ACOT1: variants seen among roughly 807,000 people sequenced by gnomAD.
ACOT1 encodes the protein acyl-coenzyme A thioesterase 1.
ACOT1 carries 8 observed loss-of-function variants against 15.7 expected under a neutral mutation model. That is an observed-to-expected ratio of 0.51 (90% CI 0.30 to 0.92). ACOT1 has a LOEUF of 0.92. Among genes scored for constraint, ACOT1 ranks in the 40% least tolerant of loss-of-function variants. ACOT1 has a pLI of 0.06. For synonymous variants in ACOT1, 67 were observed against 241.2 expected (o/e 0.28, Z 6.69); for missense variants, 151 against 539.4 (o/e 0.28, Z 7.13).
In ACOT1 at chr14:73,538,047, G is replaced by A; in HGVS notation, c.457+169G>A. Reference sequence around the variant, plus strand: ...GGGCTATGTTGCCCAGGTAGGTCTTGAACTCCTGGACCCAAGCTATCCTCC... The same window carrying A: ...GGGCTATGTTGCCCAGGTAGGTCTTAAACTCCTGGACCCAAGCTATCCTCC... On this transcript the variant is annotated intron_variant, in intron 1 of 2. Coordinates refer to ENST00000311148, the MANE Select transcript of ACOT1 (RefSeq NM_001037161.2). Among the ~76,000 whole-genome samples, 2 of 105,798 alleles carry A rather than the reference G, an allele frequency of 1.9e-5. 1 individual carries two copies. The highest frequency in any genetic ancestry group is 4.0e-5 in the Non-Finnish European group (2 of 49,582). 69.4% of individuals were successfully genotyped at this position (105,798 alleles called of 152,430 possible). A position where few individuals can be genotyped will look rare whatever the true frequency, so the allele number is the denominator to read the frequency against.
the ACOT1 span, chr14:73,509,238 G>T: frequency 1.4e-6 from 2 of 1,412,428 alleles, no homozygotes; most frequent in Non-Finnish European, 2.0e-6. Context: ...CAGTGGAGAG[G>T]AAAGGACTGG....
the ACOT1 span, chr14:73,513,996 A>C: frequency 6.2e-7 from 1 of 1,601,230 alleles, no homozygotes. Flanking sequence ...CACTTCTCAC[A>C]AACGTACAGT....
the ACOT1 span, chr14:73,500,824 C>G: frequency 8.5e-7 from 1 of 1,171,380 alleles, no homozygotes; most frequent in Admixed American, 2.2e-5. Flanking sequence ...AATCCGGGTT[C>G]TGTAGGCTGT....
the ACOT1 span, among the ~76,000 whole-genome samples, chr14:73,501,289 T>C: frequency 6.6e-6 from 1 of 151,890 alleles, no homozygotes; most frequent in Non-Finnish European, 1.5e-5. Context: ...TGGCTAATTT[T>C]GTTTTTCTTG....
the ACOT1 span, chr14:73,519,269 T>A: frequency 8.5e-7 from 1 of 1,181,076 alleles, no homozygotes; most frequent in Non-Finnish European, 1.2e-6. Context: ...TGCCCTAATC[T>A]AAGCCCCTAG....
At chr14:73,498,305 TC>T in the ACOT1 span, 2 of 1,611,268 alleles carry the variant, frequency 1.2e-6, no homozygotes, top group Admixed American at 1.7e-5. Context: ...GAGCAGAAGA[TC>T]CGTCAGCTCG....
the ACOT1 span, among the ~76,000 whole-genome samples, chr14:73,499,656 ATT>A: frequency 2.6e-5 from 4 of 152,154 alleles, no homozygotes; most frequent in Non-Finnish European, 5.9e-5. Context: ...TCTGCTATTG[ATT>A]TTCTCAGTCT....
the ACOT1 span, among the ~76,000 whole-genome samples, chr14:73,497,364 A>G: frequency 6.6e-6 from 1 of 152,144 alleles, no homozygotes; most frequent in Non-Finnish European, 1.5e-5. Flanking sequence ...GAAGGTGCCA[A>G]TAGGTACCAT....
At chr14:73,493,343 T>C in the ACOT1 span, 10 of 503,926 alleles carry the variant, frequency 2.0e-5, no homozygotes, top group Non-Finnish European at 3.2e-5. Context: ...CTGTTTGTTA[T>C]TGTTAAATTT....
the ACOT1 span, among the ~76,000 whole-genome samples, chr14:73,529,483 GAA>G: frequency 6.6e-6 from 1 of 152,098 alleles, no homozygotes; most frequent in Admixed American, 6.6e-5. Context: ...AATGGGGTTG[GAA>G]GGGTTAGGCT....
the ACOT1 span, among the ~76,000 whole-genome samples, chr14:73,506,802 C>CTTTTTTT: frequency 1.6e-3 from 92 of 57,896 alleles, no homozygotes; most frequent in East Asian, 2.8e-3. Flanking sequence ...CTGACTTTAA[C>CTTTTTTT]TGTTTTTTTT....
chr14:73,506,804 G>GTTTTTTTTTTTTTTTTTTTTTTTTT, the ACOT1 span, among the ~76,000 whole-genome samples: 65 of 80,486 alleles, frequency 8.1e-4, 10 homozygotes, highest in East Asian at 2.3e-3. Flanking sequence ...GACTTTAACT[G>GTTTTTTTTTTTTTTTTTTTTTTTTT]TTTTTTTTTT....
At chr14:73,536,634 G>GT (rs1420205440), upstream of ACOT1, among the ~76,000 whole-genome samples, 1 of 112,944 alleles carries the variant, frequency 8.9e-6, no homozygotes, top group Non-Finnish European at 1.9e-5. Context: ...CTCATCGCCT[G>GT]TAAATCCCAG....
chr14:73,503,121 G>A, the ACOT1 span: 1 of 864,956 alleles, frequency 1.2e-6, no homozygotes, highest in Non-Finnish European at 1.9e-6. Flanking sequence ...TACTAATGAG[G>A]ATTGTCCTGA....
the ACOT1 span, among the ~76,000 whole-genome samples, chr14:73,506,808 T>TTTTTTTTTTTGTTTTTG: frequency 7.2e-5 from 8 of 111,462 alleles, 1 homozygote; most frequent in African/African-American, 3.3e-4. Context: ...TTAACTGTTT[T>TTTTTTTTTTTGTTTTTG]TTTTTTTTTT....
At chr14:73,514,034 G>A in the ACOT1 span, 1 of 1,614,114 alleles carries the variant, frequency 6.2e-7, no homozygotes, top group African/African-American at 1.3e-5. Flanking sequence ...CACTCACTCA[G>A]AGCCCAGGCA....
the ACOT1 span, among the ~76,000 whole-genome samples, chr14:73,530,794 A>ATT: frequency 0.031 from 1,785 of 57,756 alleles, 187 homozygotes; most frequent in African/African-American, 0.065. Flanking sequence ...TCTCGGTTAA[A>ATT]TTTTTTTTTT....
At chr14:73,525,411 C>G in the ACOT1 span, among the ~76,000 whole-genome samples, 8 of 152,118 alleles carry the variant, frequency 5.3e-5, no homozygotes, top group Non-Finnish European at 7.3e-5. Context: ...GATTAATATG[C>G]TATCACTCCA....
chr14:73,522,461 T>C, the ACOT1 span: 1 of 1,614,246 alleles, frequency 6.2e-7, no homozygotes, highest in Admixed American at 1.7e-5. Flanking sequence ...CTGCCACTTG[T>C]TGGGGGATGC....
Sources: allele counts gnomAD v4.1 joint callset (sites outside exome capture counted in the v4.1 genomes callset), GRCh38; gene constraint gnomAD v4.1.1; transcripts MANE v1.5; gene names NCBI Gene and HGNC (gene_info 2026-07-23, HGNC 2026-07-21).